Variants in MCTP1 observed in about 807,000 individuals in gnomAD.
MCTP1 encodes the protein multiple C2 and transmembrane domain-containing protein 1.
A neutral mutation model predicts 120.6 loss-of-function variants in MCTP1; 69 were observed. That is an observed-to-expected ratio of 0.57 (90% CI 0.47 to 0.70). The LOEUF is 0.70. MCTP1 is among the 30% of genes least tolerant of loss of function. MCTP1 has a pLI of 0.00. For missense variants in MCTP1, 1,203 were observed against 1,248.8 expected, an observed-to-expected ratio of 0.96 and a Z score of 0.55; for synonymous variants, 529 against 493.1, an observed-to-expected ratio of 1.07 and a Z score of -0.96.
intron 1 of MCTP1, among the ~76,000 whole-genome samples, chr5:95,031,900 T>A (rs1298864779): frequency 6.6e-6 from 1 of 152,064 alleles, no homozygotes; most frequent in Non-Finnish European, 1.5e-5. Context: ...AAATGAAGGA[T>A]CTAGCACACA....
chr5:94,946,934 G>A (rs1391987177), intron 3 of MCTP1, among the ~76,000 whole-genome samples: 1 of 152,160 alleles, frequency 6.6e-6, no homozygotes, highest in African/African-American at 2.4e-5. Context: ...CCTCTATTAT[G>A]TAGTTGTCTG....
intron 17 of MCTP1, among the ~76,000 whole-genome samples, chr5:94,828,244 G>C (rs1787685273): frequency 6.6e-6 from 1 of 152,138 alleles, no homozygotes; most frequent in Admixed American, 6.5e-5. Flanking sequence ...GGAGTTTGCT[G>C]GGGGTCCACC....
intron 17 of MCTP1, among the ~76,000 whole-genome samples, chr5:94,850,120 T>C (rs1403284443): frequency 1.3e-5 from 2 of 152,134 alleles, no homozygotes; most frequent in South Asian, 2.1e-4. Flanking sequence ...GATTTGTGGA[T>C]TAAAAAATAA....
rs1043569990 is a variant in MCTP1, at chr5:94,928,215, CACACA to C, written c.1212+3733_1212+3737del. Among the ~76,000 whole-genome samples, 13 of 60,608 alleles carry C rather than the reference CACACA, an allele frequency of 2.1e-4. 1 individual carries two copies. Among genetic ancestry groups the C allele is most frequent in the Non-Finnish European group, 5.5e-4 (13 of 23,696 alleles). The allele number at this position is 60,608 out of a possible 152,430, so 39.8% of individuals were successfully genotyped here. ...ATTCATTATTCTAGGTTAAAACACA[CACACA>C]CACACACACACACACACACACACGA... On this transcript the variant is annotated intron_variant, in intron 6 of 22. Transcript: ENST00000515393.
At chr5:95,141,985 C>T (rs1759969670) in intron 1 of MCTP1, among the ~76,000 whole-genome samples, 1 of 152,168 alleles carries the variant, frequency 6.6e-6, no homozygotes, top group Admixed American at 6.5e-5. Flanking sequence ...CTACTATATG[C>T]TTAAAAATGT....
At chr5:95,043,052 G>T (rs1385445757) in intron 1 of MCTP1, among the ~76,000 whole-genome samples, 5 of 151,994 alleles carry the variant, frequency 3.3e-5, no homozygotes, top group Admixed American at 6.6e-5. Flanking sequence ...TCAATTTTGA[G>T]AGATCTTGTC....
chr5:95,172,590 A>T (rs951819738), intron 1 of MCTP1, among the ~76,000 whole-genome samples: 18 of 150,428 alleles, frequency 1.2e-4, no homozygotes, highest in African/African-American at 4.1e-4. Flanking sequence ...ATATCAAACT[A>T]TTTTTTTTTT....
intron 8 of MCTP1, among the ~76,000 whole-genome samples, chr5:94,913,554 C>T (rs1189328036): frequency 2.0e-5 from 3 of 152,056 alleles, no homozygotes; most frequent in Non-Finnish European, 4.4e-5. Flanking sequence ...AATCAATAAG[C>T]CCATCTAAGA....
intron 19 of MCTP1, among the ~76,000 whole-genome samples, chr5:94,717,410 A>G (rs951559643): frequency 6.6e-6 from 1 of 152,186 alleles, no homozygotes; most frequent in African/African-American, 2.4e-5. Context: ...CCCACAGCCA[A>G]TATCATACTG....
chr5:95,070,660 A>T (rs1432682915), intron 1 of MCTP1, among the ~76,000 whole-genome samples: 1 of 152,182 alleles, frequency 6.6e-6, no homozygotes, highest in African/African-American at 2.4e-5. Context: ...AGCAACACTC[A>T]GGAACTCAGC....
At chr5:94,913,038 C>A in intron 8 of MCTP1, 62 bp from the exon 9 acceptor site, 2 of 1,302,148 alleles carry the variant, frequency 1.5e-6, no homozygotes, top group South Asian at 1.5e-5. Context: ...CTCATTTTGG[C>A]GTTACCTTTT....
intron 1 of MCTP1, among the ~76,000 whole-genome samples, chr5:95,091,066 C>G (rs955118157): frequency 1.3e-5 from 2 of 152,100 alleles, no homozygotes; most frequent in African/African-American, 4.8e-5. Flanking sequence ...CTCCTGGTAC[C>G]TCAAACTAAC....
intron 20 of MCTP1, among the ~76,000 whole-genome samples, chr5:94,714,074 G>A (rs1339102745): frequency 9.2e-5 from 14 of 152,036 alleles, no homozygotes; most frequent in Admixed American, 9.2e-4. Flanking sequence ...GATAATTGCT[G>A]TAAATACACC....
chr5:95,200,572 T>C (rs549033528), intron 1 of MCTP1, among the ~76,000 whole-genome samples: 1 of 152,170 alleles, frequency 6.6e-6, no homozygotes, highest in Non-Finnish European at 1.5e-5. Context: ...CTGGGGAATA[T>C]TGTATTAAGT....
rs575061300 is a variant in MCTP1, at chr5:95,212,217, C to T, written c.720+71639G>A. Among the ~76,000 whole-genome samples the T allele has an allele frequency of 7.2e-5, 11 of 152,254 alleles. No individual in the cohort carries two copies. The South Asian group carries it at 2.3e-3, about 32-fold the overall frequency. The stretch of plus-strand genomic sequence containing the variant: ...CCAATCCCACAGAAACACAAACTAC[C>T]ATCAGCGAATACTACAAACACCTGT... On this transcript the variant is annotated intron_variant, in intron 1 of 22. Coordinates refer to ENST00000515393, the MANE Select transcript of MCTP1 (RefSeq NM_024717.7).
At chr5:94,852,366 C>G (rs1365132139) in intron 17 of MCTP1, among the ~76,000 whole-genome samples, 1 of 151,744 alleles carries the variant, frequency 6.6e-6, no homozygotes, top group Non-Finnish European at 1.5e-5. Context: ...ATTTTAAAGA[C>G]CTTATTATTA....
intron 8 of MCTP1, among the ~76,000 whole-genome samples, chr5:94,916,418 T>A (rs1810067385): frequency 1.3e-5 from 2 of 152,196 alleles, no homozygotes; most frequent in African/African-American, 4.8e-5. Flanking sequence ...ACAACACTTT[T>A]CTGTGTGTAT....
At chr5:94,718,911 G>A (rs1760183521) in intron 19 of MCTP1, among the ~76,000 whole-genome samples, 1 of 152,092 alleles carries the variant, frequency 6.6e-6, no homozygotes, top group Non-Finnish European at 1.5e-5. Context: ...AGTAGAGATG[G>A]GGTTTTACCA....
At chr5:95,195,917 A>G (rs1239984986) in intron 1 of MCTP1, among the ~76,000 whole-genome samples, 1 of 152,198 alleles carries the variant, frequency 6.6e-6, no homozygotes, top group Non-Finnish European at 1.5e-5. Flanking sequence ...TATTAAGCAC[A>G]CATTCCTGGG....
Sources: gnomAD v4.1 joint callset for allele counts (sites outside exome capture counted in the v4.1 genomes callset) on GRCh38, gnomAD v4.1.1 for gene constraint, MANE v1.5 for transcripts, NCBI Gene and HGNC (gene_info 2026-07-23, HGNC 2026-07-21) for gene names.